FSTL5: variants seen among roughly 807,000 people sequenced by gnomAD.
FSTL5 encodes follistatin like 5, also known as follistatin-related protein 5.
A neutral mutation model predicts 89.1 loss-of-function variants in FSTL5; 62 were observed. The observed-to-expected ratio is 0.70, with a 90% CI of 0.57 to 0.86. FSTL5 has a LOEUF of 0.86. Ranked by LOEUF, FSTL5 falls within the 40% of genes least tolerant of loss-of-function variation. The pLI is 0.00. For missense variants in FSTL5, 1,057 were observed against 1,001.6 expected (o/e 1.06, Z -0.75); for synonymous variants, 383 against 346.2 (o/e 1.11, Z -1.18).
intron 15 of FSTL5, among the ~76,000 whole-genome samples, chr4:161,448,276 A>G (rs1032016531): frequency 2.4e-4 from 37 of 152,276 alleles, no homozygotes; most frequent in Non-Finnish European, 4.4e-4. Flanking sequence ...GCAGTTCATC[A>G]TCCCAAGATT....
At chr4:161,463,418 C>T (rs1051679507) in intron 13 of FSTL5, among the ~76,000 whole-genome samples, 8 of 151,948 alleles carry the variant, frequency 5.3e-5, no homozygotes, top group African/African-American at 1.5e-4. Context: ...TATAAAATAA[C>T]ACATTTTATA....
At chr4:162,108,544 T>C (rs770839819) in intron 2 of FSTL5, among the ~76,000 whole-genome samples, 3 of 152,000 alleles carry the variant, frequency 2.0e-5, no homozygotes, top group African/African-American at 4.8e-5. Context: ...ATAAGTAATA[T>C]TTAACATTAG....
At chr4:161,992,535 A>C (rs1564711) in intron 3 of FSTL5, among the ~76,000 whole-genome samples, 61,063 of 151,450 alleles carry the variant, frequency 0.4, 12,572 homozygotes, top group Middle Eastern at 0.57. Flanking sequence ...AAGGTGTGAG[A>C]GGTCTTTAGA....
At position 161,669,027 on chromosome 4, in the gene FSTL5, G is replaced by A. The variant is rs1228446419; in HGVS notation, c.728-12533C>T. On this transcript the variant is annotated intron_variant, in intron 6 of 15. Coordinates refer to ENST00000306100, the MANE Select transcript of FSTL5 (RefSeq NM_020116.5). ...CTCAGGAGGCCGAGGCAGAAGAATT[G>A]CTTGAATCCAGGAGGCAGAGGTTGC... 2.0e-5 allele frequency among the ~76,000 whole-genome samples: 3 copies of A among 149,076 alleles called. No homozygotes were observed. In the Admixed American group the frequency reaches 2.0e-4, roughly 10 times the overall value.
At chr4:161,419,349 T>C (rs1331354532) in intron 15 of FSTL5, among the ~76,000 whole-genome samples, 1 of 152,162 alleles carries the variant, frequency 6.6e-6, no homozygotes, top group East Asian at 1.9e-4. Flanking sequence ...CAATTACATA[T>C]GTATTTTTGC....
chr4:161,924,772 CAAT>C (rs1307223960), intron 3 of FSTL5, among the ~76,000 whole-genome samples: 1 of 151,660 alleles, frequency 6.6e-6, no homozygotes, highest in Non-Finnish European at 1.5e-5. Flanking sequence ...GGATTTAAAA[CAAT>C]AATAAAGAGG....
intron 15 of FSTL5, chr4:161,387,866 G>C (rs542832183): frequency 4.1e-4 from 62 of 152,030 alleles, no homozygotes; most frequent in African/African-American, 1.5e-3. Context: ...GCTGTCATTG[G>C]AGAGAGTACA....
chr4:161,975,310 T>G (rs1735602495), intron 3 of FSTL5, among the ~76,000 whole-genome samples: 1 of 151,878 alleles, frequency 6.6e-6, no homozygotes, highest in South Asian at 2.1e-4. Context: ...ACACATATGT[T>G]TATTGCGGCA....
At chr4:162,105,319 ACTT>A (rs1487676061) in intron 2 of FSTL5, among the ~76,000 whole-genome samples, 1 of 152,158 alleles carries the variant, frequency 6.6e-6, no homozygotes, top group Non-Finnish European at 1.5e-5. Context: ...GATATGCAAA[ACTT>A]ATTCATCTTG....
rs953381242 is a variant in FSTL5 at position 161,689,230 on chromosome 4, C to G, written c.728-32736G>C. ...ATTCTTTTTCCATGTTTAATAAACT[C>G]TATATAGAACAAACTCTATAAGAGA... On this transcript the variant is annotated intron_variant, in intron 6 of 15. Coordinates refer to ENST00000306100, the MANE Select transcript of FSTL5 (RefSeq NM_020116.5). Among the ~76,000 whole-genome samples the G allele has an allele frequency of 2.6e-5, 4 of 152,138 alleles. No homozygotes were observed. In the South Asian group the frequency reaches 6.2e-4, roughly 24 times the overall value.
At chr4:162,141,100 T>TTC (rs1390776930) in intron 1 of FSTL5, among the ~76,000 whole-genome samples, 2 of 100,336 alleles carry the variant, frequency 2.0e-5, no homozygotes, top group African/African-American at 3.6e-5. Flanking sequence ...CCTCCCTCCC[T>TTC]TCTCTCTTTT....
chr4:162,059,222 T>G (rs1488469104), intron 2 of FSTL5, among the ~76,000 whole-genome samples: 1 of 152,174 alleles, frequency 6.6e-6, no homozygotes, highest in Admixed American at 6.6e-5. Flanking sequence ...GGCTGATATT[T>G]TTGATACAAT....
rs150243323 is a variant in FSTL5 at position 162,111,343 on chromosome 4, C to T, written c.54G>A (p.Ser18=). 124 of 1,611,802 alleles carry T rather than the reference C, an allele frequency of 7.7e-5. 1 individual carries two copies. The highest frequency in any genetic ancestry group is 2.9e-4 in the East Asian group (13 of 44,798). ...VLVLGFIFLE[S]EGRPTKEGGY... ...CTCCTTCTTTGGTTGGCCTTCCTTC[C>T]GACTCCAGAAAAATGAATCCGAGAA... is the stretch of plus-strand genomic sequence containing the variant. Residue 18 remains serine, a synonymous_variant, in exon 2 of 16, where the codon TCG becomes TCA. Transcript: ENST00000306100.
At chr4:161,944,425 CAT>C (rs1488178535) in intron 3 of FSTL5, among the ~76,000 whole-genome samples, 26 of 151,356 alleles carry the variant, frequency 1.7e-4, no homozygotes, top group Admixed American at 5.3e-4. Context: ...TAAAGTGAAA[CAT>C]AGTTCACATC....
chr4:161,879,781 C>G (rs894544381), intron 4 of FSTL5, among the ~76,000 whole-genome samples: 2 of 152,178 alleles, frequency 1.3e-5, no homozygotes, highest in Non-Finnish European at 2.9e-5. Flanking sequence ...CAAACATTAT[C>G]TTCCTCCTCC....
chr4:161,887,431 T>TATC lies in FSTL5; in HGVS notation c.409+32970_409+32972dup, dbSNP rs1216713063. On this transcript the variant is annotated intron_variant, in intron 4 of 15. Coordinates refer to ENST00000306100, the MANE Select transcript of FSTL5 (RefSeq NM_020116.5). ...TCTATCTATCTATCTATCTATCATC[T>TATC]ATCTACCTATCATCTATAATCTATC... Among the ~76,000 whole-genome samples the TATC allele has an allele frequency of 1.4e-3, 194 of 141,004 alleles. 1 individual carries two copies. The highest frequency in any genetic ancestry group is 5.0e-3 in the African/African-American group (190 of 37,834). The allele number at this position is 141,004 out of a possible 152,430, so 92.5% of individuals were successfully genotyped here.
At chr4:161,822,778 C>T (rs1730532289) in intron 4 of FSTL5, among the ~76,000 whole-genome samples, 1 of 152,210 alleles carries the variant, frequency 6.6e-6, no homozygotes, top group South Asian at 2.1e-4. Flanking sequence ...GTTCTTGTCT[C>T]ACGTCCAGGA....
intron 10 of FSTL5, among the ~76,000 whole-genome samples, chr4:161,536,492 A>G (rs1731622433): frequency 6.6e-6 from 1 of 152,154 alleles, no homozygotes; most frequent in African/African-American, 2.4e-5. Context: ...AAGGGAAACT[A>G]TCTTCTATCA....
chr4:161,448,726 T>C (rs1733046361), intron 15 of FSTL5, among the ~76,000 whole-genome samples: 2 of 152,160 alleles, frequency 1.3e-5, no homozygotes, highest in Non-Finnish European at 1.5e-5. Context: ...TTACTGCTGA[T>C]CGGAAACAAG....
Sources: allele counts gnomAD v4.1 joint callset (sites outside exome capture counted in the v4.1 genomes callset), GRCh38; gene constraint gnomAD v4.1.1; transcripts MANE v1.5; gene names NCBI Gene and HGNC (gene_info 2026-07-23, HGNC 2026-07-21).